Variants in PAGR1 observed in about 807,000 individuals in gnomAD.
PAGR1 encodes the protein PAXIP1 associated glutamate rich protein 1, also known as PAXIP1-associated glutamate-rich protein 1.
In PAGR1, 20 loss-of-function variants were observed where a neutral mutation model predicts 22.4. The ratio of observed to expected loss-of-function variants is 0.89; its 90% CI spans 0.63 to 1.30. The LOEUF (loss-of-function observed/expected upper bound fraction) is 1.30, where lower values mean the gene tolerates loss of function less well. Ranked by LOEUF, PAGR1 falls within the 50% of genes most tolerant of loss-of-function variation. PAGR1 has a pLI of 0.00. For synonymous variants in PAGR1, 161 were observed against 148.3 expected (o/e 1.09, Z -0.62); for missense variants, 338 against 343.6 (o/e 0.98, Z 0.13).
chr16:29,817,124 G>A lies in PAGR1; in HGVS notation c.483-86G>A, dbSNP rs556799535. Reference sequence around the variant, plus strand: ...GAAAGTGGAGGGAGGGAAGCCAGCGGGGGAGGAGGAACGGGCAGGGGAGAA... The same window carrying A: ...GAAAGTGGAGGGAGGGAAGCCAGCGAGGGAGGAGGAACGGGCAGGGGAGAA... On this transcript the variant is annotated intron_variant, in intron 1 of 2. Transcript: ENST00000320330. The A allele has an allele frequency of 1.9e-6, 3 of 1,597,850 alleles. No homozygotes were observed. The African/African-American group carries it at 4.0e-5, about 21-fold the overall frequency.
rs1289107329 is a variant in PAGR1, at chr16:29,819,153, G to A, written c.566-402G>A. 5.3e-5 allele frequency among the ~76,000 whole-genome samples: 8 copies of A among 151,840 alleles called. No homozygotes were observed. The East Asian group carries it at 1.2e-3, about 22-fold the overall frequency. ...TGGGATTACAGGCGCCCACCACCACGCCCAGCTAATTTTTTGTGTTGGCCA... is the reference window on the plus strand; with the variant it reads ...TGGGATTACAGGCGCCCACCACCACACCCAGCTAATTTTTTGTGTTGGCCA... On this transcript the variant is annotated intron_variant, in intron 2 of 2. Coordinates refer to ENST00000320330, the MANE Select transcript of PAGR1 (RefSeq NM_024516.4).
chr16:29,818,066 C>T (rs1355604368), intron 2 of PAGR1: 1 of 152,228 alleles, frequency 6.6e-6, no homozygotes, highest in Non-Finnish European at 1.5e-5. Flanking sequence ...AGTCCAAGTC[C>T]TGGCCTTTCA....
intron 2 of PAGR1, among the ~76,000 whole-genome samples, chr16:29,817,580 TCTC>T (rs34958455): frequency 0.13 from 19,769 of 150,020 alleles, 1,340 homozygotes; most frequent in Non-Finnish European, 0.15. Flanking sequence ...TTCAAGCAAT[TCTC>T]CTGCCTCAGC....
At chr16:29,817,140 C>T in intron 1 of PAGR1, 70 bp from the exon 2 acceptor site, 2 of 1,606,994 alleles carry the variant, frequency 1.2e-6, no homozygotes, top group Non-Finnish European at 1.7e-6. Flanking sequence ...GAGGAACGGG[C>T]AGGGGAGAAG....
rs1008651311 is a variant in PAGR1, at chr16:29,819,397, AC to A, written c.566-155del. 1.6e-5 allele frequency: 11 copies of A among 696,788 alleles called. No individual in the cohort carries two copies. The African/African-American group carries it at 1.6e-4, about 10-fold the overall frequency. The allele number at this position is 696,788 out of a possible 1,614,324, so 43.2% of individuals were successfully genotyped here. ...CTGTCAATCAAGATCTTTGCTTCTC[AC>A]CCTCTCTGAGGTCCAACCCTGAACC... On this transcript the variant is annotated intron_variant, in intron 2 of 2. Coordinates refer to ENST00000320330, the MANE Select transcript of PAGR1 (RefSeq NM_024516.4).
Position 29,816,978 on chromosome 16 carries a change from G to C in PAGR1, c.453G>C (p.Glu151Asp), listed in dbSNP as rs1468956510. 2 of 1,568,926 alleles carry C rather than the reference G, an allele frequency of 1.3e-6. No homozygotes were observed. Among genetic ancestry groups the C allele is most frequent in the Admixed American group, 1.9e-5 (1 of 53,006 alleles). ...AQSEEERSDE[E>D]PEAKEEEEEK... ...GCGAAGAGGAGAGATCCGATGAGGA[G>C]CCGGAGGCCAAAGAAGAGGAAGAGG... The change falls in exon 1 of 3, where the codon GAG becomes GAC. Residue 151 changes from glutamate to aspartate, a missense_variant. Physicochemically the swap from Glu to Asp is conservative, Grantham distance 45 (BLOSUM62 2). Coordinates refer to ENST00000320330, the MANE Select transcript of PAGR1 (RefSeq NM_024516.4).
At chr16:29,818,911 C>T (rs1242068400) in intron 2 of PAGR1, among the ~76,000 whole-genome samples, 1 of 152,112 alleles carries the variant, frequency 6.6e-6, no homozygotes, top group Non-Finnish European at 1.5e-5. Flanking sequence ...CAAGGGATTC[C>T]ATCTTGCCAG....
At chr16:29,817,330 G>T in intron 2 of PAGR1, 38 bp downstream of exon 2, 3 of 1,604,466 alleles carry the variant, frequency 1.9e-6, no homozygotes, top group African/African-American at 1.3e-5. Flanking sequence ...GAGGTGAAGG[G>T]CCTCGGCTCA....
intron 2 of PAGR1, 101 bp downstream of exon 2, chr16:29,817,393 C>G: frequency 3.9e-6 from 4 of 1,037,808 alleles, no homozygotes; most frequent in Non-Finnish European, 4.4e-6. Flanking sequence ...TCAGCTCCCA[C>G]ACAACTTACA....
chr16:29,816,244 G>A lies in PAGR1; in HGVS notation c.-282G>A, dbSNP rs1900242315. 4.9e-6 allele frequency: 2 copies of A among 406,098 alleles called. No individual in the cohort carries two copies. The highest frequency in any genetic ancestry group is 2.1e-5 in the African/African-American group (1 of 48,666). The allele number at this position is 406,098 out of a possible 1,614,324, so 25.2% of individuals were successfully genotyped here. On this transcript the variant is annotated 5_prime_UTR_variant, in exon 1 of 3. Coordinates refer to ENST00000320330, the MANE Select transcript of PAGR1 (RefSeq NM_024516.4). ...GGGTGTGGAGAGGGGCGTCGTGGAA[G>A]CGAGAAGAGTGGCCCGTCCCTCTCC...
Position 29,821,308 on chromosome 16 carries a change from ACT to A in PAGR1, c.*1556_*1557del, listed in dbSNP as rs1416717040. On this transcript the variant is annotated 3_prime_UTR_variant, in exon 3 of 3. Coordinates refer to ENST00000320330, the MANE Select transcript of PAGR1 (RefSeq NM_024516.4). ...GGGGTATCAGGTGGCTCTGCCAGAA[ACT>A]CCCTTGGCACACAGAGCACTGGGTC... 1 of 151,524 alleles carries A rather than the reference ACT, an allele frequency of 6.6e-6. No individual in the cohort carries two copies. Among genetic ancestry groups the A allele is most frequent in the Non-Finnish European group, 1.5e-5 (1 of 67,980 alleles). 9.4% of individuals were successfully genotyped at this position (151,524 alleles called of 1,614,324 possible).
intron 2 of PAGR1, among the ~76,000 whole-genome samples, chr16:29,817,560 G>C (rs558974879): frequency 6.1e-5 from 8 of 131,248 alleles, no homozygotes; most frequent in African/African-American, 2.3e-4. Context: ...TGCAACCTCC[G>C]CCTCCTGGGT....
chr16:29,819,038 G>T (rs568687371), intron 2 of PAGR1, among the ~76,000 whole-genome samples: 1 of 149,960 alleles, frequency 6.7e-6, no homozygotes, highest in South Asian at 2.1e-4. Flanking sequence ...CTGTGTCACC[G>T]AGGCTGGAGT....
In PAGR1 at chr16:29,816,381, G is replaced by C. The variant is rs530483306; in HGVS notation, c.-145G>C. On this transcript the variant is annotated 5_prime_UTR_variant, in exon 1 of 3. Transcript: ENST00000320330. ...GGTGGGGACTGAGCGCCCCCTCCCG[G>C]GGACGGGCGGTCTGGCCGCGGAGTC... 1.7e-5 allele frequency: 14 copies of C among 838,684 alleles called. No homozygotes were observed. In the Admixed American group the frequency reaches 5.3e-4, roughly 32 times the overall value. 52.0% of individuals were successfully genotyped at this position (838,684 alleles called of 1,614,324 possible).
In PAGR1 at chr16:29,816,386, G is replaced by A; in HGVS notation, c.-140G>A. Reference sequence around the variant, plus strand: ...GGACTGAGCGCCCCCTCCCGGGGACGGGCGGTCTGGCCGCGGAGTCCCCTG... The same window carrying A: ...GGACTGAGCGCCCCCTCCCGGGGACAGGCGGTCTGGCCGCGGAGTCCCCTG... On this transcript the variant is annotated 5_prime_UTR_variant, in exon 1 of 3. Transcript: ENST00000320330. 1 of 876,144 alleles carries A rather than the reference G, an allele frequency of 1.1e-6. No individual in the cohort carries two copies. The highest frequency in any genetic ancestry group is 1.6e-6 in the Non-Finnish European group (1 of 641,850). The allele number at this position is 876,144 out of a possible 1,614,324, so 54.3% of individuals were successfully genotyped here. A position where few individuals can be genotyped will look rare whatever the true frequency, so the allele number is the denominator to read the frequency against.
rs769365806 is a variant in PAGR1, at chr16:29,816,975, G to C, written c.450G>C (p.Glu150Asp). 7.6e-6 allele frequency: 12 copies of C among 1,568,976 alleles called. No homozygotes were observed. The highest frequency in any genetic ancestry group is 7.0e-5 in the South Asian group (6 of 86,176). Reference protein sequence around the residue: ...EAQSEEERSDEEPEAKEEEEE... With the variant: ...EAQSEEERSDDEPEAKEEEEE... The stretch of plus-strand genomic sequence containing the variant: ...AGAGCGAAGAGGAGAGATCCGATGA[G>C]GAGCCGGAGGCCAAAGAAGAGGAAG... The change falls in exon 1 of 3, where the codon GAG (glutamate) becomes GAC (aspartate). Residue 150 changes from glutamate to aspartate, a missense_variant. Physicochemically the swap from Glu to Asp is conservative, Grantham distance 45. Around this residue, in one of 3 missense-constraint regions of PAGR1, gnomAD observed 235 missense variants for 216.0 expected, o/e 1.09. Transcript: ENST00000320330.
rs1900257460 is a variant in PAGR1, at chr16:29,816,786, G to A, written c.261G>A (p.Trp87Ter). ...EEPAEEDSED[W>*]CVPCSDEEVE... ...CTGCCGAGGAGGACTCCGAGGACTG[G>A]TGCGTGCCCTGCAGCGACGAGGAGG... The change falls in exon 1 of 3, where the codon TGG (tryptophan) becomes TGA (stop). Residue 87 changes from tryptophan (W) to a stop codon, truncating the protein, a stop_gained. Transcript: ENST00000320330. LOFTEE classifies it high-confidence loss of function. 1.9e-6 allele frequency: 3 copies of A among 1,578,558 alleles called. No homozygotes were observed. Among genetic ancestry groups the A allele is most frequent in the African/African-American group, 1.3e-5 (1 of 74,140 alleles).
chr16:29,817,025 C>T lies in PAGR1; in HGVS notation c.482+18C>T. 1 of 1,556,726 alleles carries T rather than the reference C, an allele frequency of 6.4e-7. No individual in the cohort carries two copies. The highest frequency in any genetic ancestry group is 8.7e-7 in the Non-Finnish European group (1 of 1,151,814). On this transcript the variant is annotated intron_variant, in intron 1 of 2. Transcript: ENST00000320330. ...GAGGAAAAGTAAAGGCACACCCTTA[C>T]ACCTTGTCCCGGGGCTGCTCCCCTG... is the stretch of plus-strand genomic sequence containing the variant.
intron 2 of PAGR1, among the ~76,000 whole-genome samples, chr16:29,818,829 A>T (rs756903771): frequency 6.6e-6 from 1 of 152,144 alleles, no homozygotes; most frequent in Non-Finnish European, 1.5e-5. Flanking sequence ...CAGCTTCCCA[A>T]AGTGCTGGAA....
Sources: allele counts gnomAD v4.1 joint callset (sites outside exome capture counted in the v4.1 genomes callset), GRCh38; gene constraint gnomAD v4.1.1; regional missense constraint gnomAD v4.1.1; transcripts MANE v1.5; gene names NCBI Gene and HGNC (gene_info 2026-07-23, HGNC 2026-07-21).